Variants in MYO18B observed in about 807,000 individuals in gnomAD.
MYO18B encodes the protein myosin XVIIIB, also known as unconventional myosin-XVIIIb.
Under a neutral mutation model 273.0 loss-of-function variants are expected in MYO18B, and 204 were observed. The observed-to-expected ratio is 0.75, with a 90% CI of 0.67 to 0.84. MYO18B has a LOEUF of 0.84. Ranked by LOEUF, MYO18B falls within the 40% of genes least tolerant of loss-of-function variation. The pLI, the probability that MYO18B is intolerant of heterozygous loss-of-function variation, is 0.00. For synonymous variants in MYO18B, 1,330 were observed against 1,305.7 expected, an observed-to-expected ratio of 1.02 and a Z score of -0.40; for missense variants, 3,212 against 3,287.6, an observed-to-expected ratio of 0.98 and a Z score of 0.56.
intron 33 of MYO18B, 73 bp from the exon 34 acceptor site, chr22:25,921,184 C>A (rs532396947): frequency 1.1e-5 from 16 of 1,459,430 alleles, no homozygotes; most frequent in African/African-American, 2.8e-5. Context: ...AACCAGGGAA[C>A]CTGATTCCGG....
intron 42 of MYO18B, among the ~76,000 whole-genome samples, chr22:26,009,736 T>G (rs1934731000): frequency 6.6e-6 from 1 of 152,148 alleles, no homozygotes; most frequent in Non-Finnish European, 1.5e-5. Context: ...TCTTCCCTGG[T>G]CTTTGCCTCA....
At chr22:25,837,531 T>G (rs1219967723) in intron 17 of MYO18B, among the ~76,000 whole-genome samples, 2 of 152,184 alleles carry the variant, frequency 1.3e-5, no homozygotes, top group Non-Finnish European at 1.5e-5. Context: ...TTCGGGTGAT[T>G]GTCCAACTGG....
chr22:25,858,361 G>A (rs1187711220), intron 21 of MYO18B, among the ~76,000 whole-genome samples: 1 of 152,210 alleles, frequency 6.6e-6, no homozygotes, highest in Non-Finnish European at 1.5e-5. Context: ...TGGGCTTCAT[G>A]GGGGCAGGTG....
the MYO18B span, among the ~76,000 whole-genome samples, chr22:26,041,984 A>C: frequency 6.6e-6 from 1 of 152,186 alleles, no homozygotes; most frequent in Non-Finnish European, 1.5e-5. Flanking sequence ...GACTATCTGC[A>C]CCTTCTGAGT....
rs738642 is a variant in MYO18B, at chr22:25,798,015, C to G, written c.2439C>G (p.Leu813=). 0.72 allele frequency: 1,164,933 copies of G among 1,613,484 alleles called. 425,452 individuals carry two copies. Among genetic ancestry groups the G allele is most frequent in the East Asian group, 0.89 (39,921 of 44,854 alleles). The change falls in exon 12 of 44, where the codon CTC becomes CTG. Residue 813 remains leucine, a synonymous_variant. Transcript: ENST00000335473. ...AGCTCCAGGGTGCCATGGAGATGCT[C>G]GGCATCTCAGAGAGCGAGCAGCGGG... The part of the protein sequence containing the change: ...FAQLQGAMEM[L]GISESEQRAV...
At chr22:25,809,220 GGA>G (rs2088622981) in intron 12 of MYO18B, among the ~76,000 whole-genome samples, 1 of 152,130 alleles carries the variant, frequency 6.6e-6, no homozygotes, top group African/African-American at 2.4e-5. Context: ...TGGGATTACA[GGA>G]GTGAGCCACC....
Position 25,868,364 on chromosome 22 carries a change from G to T in MYO18B, c.3930G>T (p.Ala1310=). ...AGACCCTGGATCTGGAAAAGAAGGCGGTGGCTGTGGGGCACAGCCAAGTGA... is the reference window on the plus strand; with the variant it reads ...AGACCCTGGATCTGGAAAAGAAGGCTGTGGCTGTGGGGCACAGCCAAGTGA... ...LLETLDLEKK[A]VAVGHSQVFL... is the part of the protein sequence containing the mutation. The change falls in exon 22 of 44, where the codon GCG becomes GCT. Residue 1310 remains alanine (A), a synonymous_variant. Coordinates refer to ENST00000335473, the MANE Select transcript of MYO18B (RefSeq NM_032608.7). The T allele has an allele frequency of 6.2e-7, 1 of 1,601,282 alleles. No individual in the cohort carries two copies. Among genetic ancestry groups the T allele is most frequent in the Non-Finnish European group, 8.5e-7 (1 of 1,173,904 alleles).
At chr22:26,045,847 C>T in the MYO18B span, among the ~76,000 whole-genome samples, 1 of 152,198 alleles carries the variant, frequency 6.6e-6, no homozygotes, top group Non-Finnish European at 1.5e-5. Context: ...CAACTCCAAG[C>T]ACATGAGCAA....
At chr22:25,995,527 A>G (rs1933145832) in intron 40 of MYO18B, among the ~76,000 whole-genome samples, 1 of 152,208 alleles carries the variant, frequency 6.6e-6, no homozygotes, top group Non-Finnish European at 1.5e-5. Flanking sequence ...ATATATGCCT[A>G]CTATGTACCC....
chr22:25,891,737 T>C (rs1194618941), intron 27 of MYO18B, among the ~76,000 whole-genome samples: 1 of 152,182 alleles, frequency 6.6e-6, no homozygotes, highest in African/African-American at 2.4e-5. Flanking sequence ...TAAAAATAAA[T>C]TTTGAGAGGC....
At chr22:25,951,494 TG>T (rs780521171) in intron 37 of MYO18B, among the ~76,000 whole-genome samples, 4 of 152,206 alleles carry the variant, frequency 2.6e-5, no homozygotes, top group Non-Finnish European at 5.9e-5. Flanking sequence ...AGCCATTCAG[TG>T]CAGAATTTTC....
intron 13 of MYO18B, among the ~76,000 whole-genome samples, chr22:25,825,061 G>T (rs138987682): frequency 3.9e-5 from 6 of 151,974 alleles, no homozygotes; most frequent in East Asian, 1.9e-4. Context: ...ACACACACAC[G>T]CATAGACACA....
intron 12 of MYO18B, among the ~76,000 whole-genome samples, chr22:25,805,906 G>A (rs1324875645): frequency 6.6e-6 from 1 of 152,198 alleles, no homozygotes; most frequent in African/African-American, 2.4e-5. Flanking sequence ...CTGGCCCTGA[G>A]CAAGGTCTGG....
the MYO18B span, among the ~76,000 whole-genome samples, chr22:26,041,187 G>A: frequency 6.6e-6 from 1 of 151,576 alleles, no homozygotes; most frequent in African/African-American, 2.4e-5. Flanking sequence ...TTAGTGTTAG[G>A]GTATTTTATG....
intron 39 of MYO18B, among the ~76,000 whole-genome samples, chr22:25,991,477 C>A (rs2093270060): frequency 6.6e-6 from 1 of 152,138 alleles, no homozygotes; most frequent in South Asian, 2.1e-4. Context: ...CCCTGGGGGG[C>A]AAAATCACTC....
intron 19 of MYO18B, among the ~76,000 whole-genome samples, chr22:25,846,890 G>T (rs2146018816): frequency 6.6e-6 from 1 of 152,244 alleles, no homozygotes; most frequent in East Asian, 1.9e-4. Context: ...GACCAGCCTG[G>T]CCAACATGGT....
chr22:26,010,294 G>A (rs1475752232), intron 42 of MYO18B, among the ~76,000 whole-genome samples: 18 of 152,164 alleles, frequency 1.2e-4, no homozygotes, highest in Admixed American at 1.2e-3. Flanking sequence ...TAGCCAGTTT[G>A]ATTCCTCTAA....
At chr22:25,827,606 G>A (rs929112220) in intron 14 of MYO18B, among the ~76,000 whole-genome samples, 5 of 152,230 alleles carry the variant, frequency 3.3e-5, no homozygotes, top group Admixed American at 6.5e-5. Flanking sequence ...TGAGGCTGGC[G>A]CGTAGCAACA....
intron 39 of MYO18B, among the ~76,000 whole-genome samples, chr22:25,974,470 A>G (rs2093067794): frequency 6.6e-6 from 1 of 152,230 alleles, no homozygotes; most frequent in African/African-American, 2.4e-5. Context: ...CTAATGCTAC[A>G]CAATTTTAGA....
Sources: allele counts gnomAD v4.1 joint callset (sites outside exome capture counted in the v4.1 genomes callset), GRCh38; gene constraint gnomAD v4.1.1; transcripts MANE v1.5; gene names NCBI Gene and HGNC (gene_info 2026-07-23, HGNC 2026-07-21).